GAB2: variants seen among roughly 807,000 people sequenced by gnomAD.
GAB2 encodes GRB2-associated-binding protein 2.
GAB2 carries 26 observed loss-of-function variants against 65.5 expected under a neutral mutation model. That is an observed-to-expected ratio of 0.40 (90% CI 0.29 to 0.55). The LOEUF (loss-of-function observed/expected upper bound fraction) is 0.55, where lower values mean the gene tolerates loss of function less well. Ranked by LOEUF, GAB2 falls within the 20% of genes least tolerant of loss-of-function variation. The probability of loss-of-function intolerance (pLI) is 0.53; values close to 1 mark genes in which losing one functional copy is unlikely to be tolerated. For missense variants in GAB2, 884 were observed against 875.8 expected (o/e 1.01, Z -0.12); for synonymous variants, 321 against 329.6 (o/e 0.97, Z 0.28).
chr11:78,300,516 T>TAAAAAAAA (rs138790128), intron 1 of GAB2, among the ~76,000 whole-genome samples: 1,876 of 142,758 alleles, frequency 0.013, 60 homozygotes, highest in African/African-American at 0.046. Context: ...TTTAATTTTA[T>TAAAAAAAA]AAAAAAACAA....
At chr11:78,326,597 CAA>C (rs547722181) in intron 1 of GAB2, among the ~76,000 whole-genome samples, 1 of 151,796 alleles carries the variant, frequency 6.6e-6, no homozygotes, top group South Asian at 2.1e-4. Context: ...TATCTTTTTC[CAA>C]AAAAAGAGTC....
At chr11:78,383,581 C>CAAAAAAGAAAAAAAAAAAAAAA (rs1856725476) in intron 1 of GAB2, among the ~76,000 whole-genome samples, 1 of 55,582 alleles carries the variant, frequency 1.8e-5, no homozygotes, top group African/African-American at 6.4e-5. Flanking sequence ...CCTGTCTCTC[C>CAAAAAAGAAAAAAAAAAAAAAA]AAAAAAAAAA....
chr11:78,406,214 G>A (rs1447798906), intron 1 of GAB2, among the ~76,000 whole-genome samples: 1 of 152,202 alleles, frequency 6.6e-6, no homozygotes, highest in East Asian at 1.9e-4. Flanking sequence ...CCTATCGGGA[G>A]TGTCAATGGA....
In GAB2 at chr11:78,291,555, C is replaced by CTTTTTTTTTTTTTTTTTT. The variant is rs796161663; in HGVS notation, c.76-10655_76-10654insAAAAAAAAAAAAAAAAAA. Among the ~76,000 whole-genome samples, 16 of 55,046 alleles carry CTTTTTTTTTTTTTTTTTT rather than the reference C, an allele frequency of 2.9e-4. 5 individuals are homozygous for CTTTTTTTTTTTTTTTTTT. Among genetic ancestry groups the CTTTTTTTTTTTTTTTTTT allele is most frequent in the African/African-American group, 7.0e-4 (11 of 15,662 alleles). 36.1% of individuals were successfully genotyped at this position (55,046 alleles called of 152,430 possible). A position where few individuals can be genotyped will look rare whatever the true frequency, so the allele number is the denominator to read the frequency against. On this transcript the variant is annotated intron_variant, in intron 1 of 9. Coordinates refer to ENST00000361507, the MANE Select transcript of GAB2 (RefSeq NM_080491.3). Reference sequence around the variant, plus strand: ...CCTATCTTGAGAGACTTACTTTTTTCTTTTTCTTTTTTTTTTTTTTTTTTT... The same window carrying CTTTTTTTTTTTTTTTTTT: ...CCTATCTTGAGAGACTTACTTTTTTCTTTTTTTTTTTTTTTTTTTTTTTCTTTTTTTTTTTTTTTTTTT...
At chr11:78,321,200 C>T (rs1038686868) in intron 1 of GAB2, among the ~76,000 whole-genome samples, 2 of 152,036 alleles carry the variant, frequency 1.3e-5, no homozygotes, top group Non-Finnish European at 1.5e-5. Flanking sequence ...ACCCCTGTAC[C>T]AAGGACTTAT....
At chr11:78,402,797 T>C (rs984527846) in intron 1 of GAB2, among the ~76,000 whole-genome samples, 2 of 152,026 alleles carry the variant, frequency 1.3e-5, no homozygotes, top group Non-Finnish European at 2.9e-5. Flanking sequence ...TAAAGAATCA[T>C]CTTATTACAA....
chr11:78,313,774 G>C (rs1425333166), intron 1 of GAB2, among the ~76,000 whole-genome samples: 1 of 152,190 alleles, frequency 6.6e-6, no homozygotes, highest in African/African-American at 2.4e-5. Flanking sequence ...ACACTGAAGA[G>C]ACCCTTACTT....
intron 1 of GAB2, among the ~76,000 whole-genome samples, chr11:78,336,363 CACA>C (rs762014906): frequency 2.0e-5 from 1 of 50,968 alleles, no homozygotes; most frequent in Non-Finnish European, 4.3e-5. Flanking sequence ...AAAAAAAAAA[CACA>C]ACAAGAATTA....
chr11:78,381,171 C>A (rs1398418735), intron 1 of GAB2, among the ~76,000 whole-genome samples: 3 of 152,300 alleles, frequency 2.0e-5, no homozygotes, highest in East Asian at 3.9e-4. Flanking sequence ...CACTTCTGTG[C>A]CTTTAAGTTG....
intron 1 of GAB2, among the ~76,000 whole-genome samples, chr11:78,395,812 C>T (rs151132722): frequency 6.6e-6 from 1 of 152,330 alleles, no homozygotes; most frequent in African/African-American, 2.4e-5. Context: ...CTTGCCCACA[C>T]CCACAAAGCA....
chr11:78,242,889 G>T (rs1198234700), intron 3 of GAB2, among the ~76,000 whole-genome samples: 1 of 152,186 alleles, frequency 6.6e-6, no homozygotes, highest in African/African-American at 2.4e-5. Context: ...CAGTCTGGGT[G>T]TGGTGGCTCA....
rs1864111341 is a variant in GAB2 at position 78,215,864 on chromosome 11, G to A, written c.*3408C>T. ...TGGGGAAGGAAGAACTCTGGAAATG[G>A]GATAGGGGTGCTGGGCCGAGATGTC... On this transcript the variant is annotated 3_prime_UTR_variant, in exon 10 of 10. Coordinates refer to ENST00000361507, the MANE Select transcript of GAB2 (RefSeq NM_080491.3). 6.5e-6 allele frequency: 1 copy of A among 152,718 alleles called. No homozygotes were observed. The highest frequency in any genetic ancestry group is 1.5e-5 in the Non-Finnish European group (1 of 68,088). 9.5% of individuals were successfully genotyped at this position (152,718 alleles called of 1,614,324 possible).
rs779083758 is a variant in GAB2, at chr11:78,223,607, C to A, written c.1372G>T (p.Gly458Cys). ...TCCATGGCCAACAGGGTGGAAGAAC[C>A]TGGATTCATGGGCACATAGTTGTCT... ...SEDNYVPMNPGSSTLLAMERA... is the reference protein window; with the variant it reads ...SEDNYVPMNPCSSTLLAMERA... Residue 458 changes from glycine to cysteine, a missense_variant, in exon 6 of 10, where the codon GGT becomes TGT. Transcript: ENST00000361507. 6.2e-7 allele frequency: 1 copy of A among 1,613,508 alleles called. No individual in the cohort carries two copies. Among genetic ancestry groups the A allele is most frequent in the African/African-American group, 1.3e-5 (1 of 74,888 alleles).
chr11:78,333,325 G>A (rs1032828012), intron 1 of GAB2, among the ~76,000 whole-genome samples: 2 of 152,180 alleles, frequency 1.3e-5, no homozygotes, highest in Non-Finnish European at 2.9e-5. Context: ...GAGGGCAGTG[G>A]TGCGATCATG....
chr11:78,296,168 C>T (rs765751742), intron 1 of GAB2, among the ~76,000 whole-genome samples: 12 of 152,200 alleles, frequency 7.9e-5, no homozygotes, highest in Non-Finnish European at 1.8e-4. Context: ...GACAGTAATG[C>T]TCACTCACCA....
chr11:78,221,900 A>G (rs1174660027), intron 7 of GAB2, 121 bp from the exon 8 acceptor site: 3 of 705,862 alleles, frequency 4.3e-6, no homozygotes, highest in Non-Finnish European at 7.5e-6. Flanking sequence ...TGCACACTCC[A>G]TCAGATTAAG....
chr11:78,246,678 T>C (rs1865307180), intron 3 of GAB2, among the ~76,000 whole-genome samples: 1 of 152,120 alleles, frequency 6.6e-6, no homozygotes, highest in Admixed American at 6.5e-5. Flanking sequence ...TTTGTATTTT[T>C]AGTAGAGATG....
At chr11:78,384,908 T>C (rs1352154915) in intron 1 of GAB2, among the ~76,000 whole-genome samples, 1 of 152,202 alleles carries the variant, frequency 6.6e-6, no homozygotes, top group African/African-American at 2.4e-5. Flanking sequence ...TCCCAGAGTT[T>C]ATTGACATTT....
chr11:78,304,999 C>G (rs1259210507), intron 1 of GAB2, among the ~76,000 whole-genome samples: 1 of 152,228 alleles, frequency 6.6e-6, no homozygotes, highest in Non-Finnish European at 1.5e-5. Context: ...CTTACTCTCT[C>G]TGGGAGGACA....
Sources: allele counts gnomAD v4.1 joint callset (sites outside exome capture counted in the v4.1 genomes callset), GRCh38; gene constraint gnomAD v4.1.1; transcripts MANE v1.5; gene names NCBI Gene and HGNC (gene_info 2026-07-23, HGNC 2026-07-21).